TAFA2: variants seen among roughly 807,000 people sequenced by gnomAD.
TAFA2 encodes the protein chemokine-like protein TAFA-2.
Under a neutral mutation model 18.8 loss-of-function variants are expected in TAFA2, and 7 were observed. The observed-to-expected ratio is 0.37, with a 90% CI of 0.21 to 0.70. TAFA2 has a LOEUF of 0.70. Ranked by LOEUF, TAFA2 falls within the 30% of genes least tolerant of loss-of-function variation. The pLI is 0.53. For missense variants in TAFA2, 122 were observed against 158.1 expected (o/e 0.77, Z 1.23); for synonymous variants, 60 against 54.2 (o/e 1.11, Z -0.47).
Position 62,147,890 on chromosome 12 carries a change from A to G in TAFA2, c.-2+43369T>C, listed in dbSNP as rs138018552. On this transcript the variant is annotated intron_variant, in intron 1 of 4. Coordinates refer to ENST00000416284, the MANE Select transcript of TAFA2 (RefSeq NM_178539.5). ...CAAGAAAAAAATAACCGCAATAAGA[A>G]GTTGGCAAAGGACATGAGCAGAAAC... is the stretch of plus-strand genomic sequence containing the variant. 3.4e-3 allele frequency among the ~76,000 whole-genome samples: 514 copies of G among 152,298 alleles called. 1 individual carries two copies. The highest frequency in any genetic ancestry group is 0.012 in the African/African-American group (480 of 41,574).
chr12:61,737,399 C>T (rs186754256), intron 4 of TAFA2, among the ~76,000 whole-genome samples: 4 of 151,736 alleles, frequency 2.6e-5, no homozygotes, highest in Admixed American at 2.6e-4. Context: ...TGGAATGTGT[C>T]CTACACATAC....
intron 2 of TAFA2, among the ~76,000 whole-genome samples, chr12:61,803,954 T>C (rs1455484168): frequency 1.3e-5 from 2 of 152,032 alleles, no homozygotes; most frequent in Non-Finnish European, 2.9e-5. Flanking sequence ...TTACTCATCT[T>C]ACATATGTTA....
intron 1 of TAFA2, among the ~76,000 whole-genome samples, chr12:62,032,871 G>A (rs764181221): frequency 6.6e-6 from 1 of 152,122 alleles, no homozygotes; most frequent in Non-Finnish European, 1.5e-5. Flanking sequence ...AAAGGAAACA[G>A]CATTCTCACC....
rs576042807 is a variant in TAFA2 at position 62,010,953 on chromosome 12, G to A, written c.-1-143527C>T. ...AGGTGGGGAGCGCCTCTGCCCGGCCGCCCTTCGTCTGGGAGGTGGGGGGCG... is the reference window on the plus strand; with the variant it reads ...AGGTGGGGAGCGCCTCTGCCCGGCCACCCTTCGTCTGGGAGGTGGGGGGCG... On this transcript the variant is annotated intron_variant, in intron 1 of 4. Coordinates refer to ENST00000416284, the MANE Select transcript of TAFA2 (RefSeq NM_178539.5). 1.1e-3 allele frequency among the ~76,000 whole-genome samples: 116 copies of A among 109,382 alleles called. 9 individuals are homozygous for A. Among genetic ancestry groups the A allele is most frequent in the African/African-American group, 4.0e-3 (100 of 25,206 alleles). 71.8% of individuals were successfully genotyped at this position (109,382 alleles called of 152,430 possible). A position where few individuals can be genotyped will look rare whatever the true frequency, so the allele number is the denominator to read the frequency against.
intron 2 of TAFA2, among the ~76,000 whole-genome samples, chr12:61,826,485 G>T (rs1488713124): frequency 6.6e-6 from 1 of 151,920 alleles, no homozygotes; most frequent in Non-Finnish European, 1.5e-5. Flanking sequence ...AAAAACTGTT[G>T]AAATAAAAGA....
At chr12:62,014,003 C>T (rs1421198870) in intron 1 of TAFA2, among the ~76,000 whole-genome samples, 2 of 152,278 alleles carry the variant, frequency 1.3e-5, no homozygotes, top group East Asian at 3.9e-4. Flanking sequence ...ATGCTAGATA[C>T]TTCTTAAATA....
chr12:61,992,207 GA>G (rs1217403198), intron 1 of TAFA2, among the ~76,000 whole-genome samples: 1 of 152,082 alleles, frequency 6.6e-6, no homozygotes, highest in Non-Finnish European at 1.5e-5. Flanking sequence ...GTTCCATTTA[GA>G]AGTCCATAAA....
intron 1 of TAFA2, among the ~76,000 whole-genome samples, chr12:61,963,648 A>G (rs1878966089): frequency 6.6e-6 from 1 of 151,652 alleles, no homozygotes; most frequent in Non-Finnish European, 1.5e-5. Flanking sequence ...AGATTGCCAT[A>G]CTGCCCAAAG....
chr12:62,130,229 T>G (rs1159881177), intron 1 of TAFA2, among the ~76,000 whole-genome samples: 2 of 151,958 alleles, frequency 1.3e-5, no homozygotes, highest in South Asian at 4.1e-4. Context: ...ATGTCCCCCT[T>G]AGCATTTTCC....
intron 1 of TAFA2, among the ~76,000 whole-genome samples, chr12:62,208,913 T>A (rs1022385294): frequency 6.6e-6 from 1 of 152,204 alleles, no homozygotes; most frequent in Admixed American, 6.5e-5. Context: ...CAGCTCCAGG[T>A]TATCTCTCTG....
intron 4 of TAFA2, among the ~76,000 whole-genome samples, chr12:61,738,656 C>A (rs1326050641): frequency 6.6e-6 from 1 of 152,020 alleles, no homozygotes; most frequent in Non-Finnish European, 1.5e-5. Flanking sequence ...CCCACCTGAC[C>A]CACCTATGGT....
At position 61,765,330 on chromosome 12, in the gene TAFA2, A is replaced by G. The variant is rs376558107; in HGVS notation, c.107-10306T>C. On this transcript the variant is annotated intron_variant, in intron 2 of 4. Coordinates refer to ENST00000416284, the MANE Select transcript of TAFA2 (RefSeq NM_178539.5). ...CTATGTAGAGGAGAGACCCACCCCTACTACCAGCTGGATTTCACATAAGCA... is the reference window on the plus strand; with the variant it reads ...CTATGTAGAGGAGAGACCCACCCCTGCTACCAGCTGGATTTCACATAAGCA... Among the ~76,000 whole-genome samples, 5 of 152,044 alleles carry G rather than the reference A, an allele frequency of 3.3e-5. No homozygotes were observed. In the East Asian group the frequency reaches 9.7e-4, roughly 29 times the overall value.
At chr12:62,067,413 C>CTTTTTATGTTTT (rs1882518668) in intron 1 of TAFA2, among the ~76,000 whole-genome samples, 2 of 151,854 alleles carry the variant, frequency 1.3e-5, no homozygotes, top group Non-Finnish European at 2.9e-5. Context: ...GGAGAGTTTC[C>CTTTTTATGTTTT]CCTATGTTTT....
chr12:62,003,135 C>T (rs1192597878), intron 1 of TAFA2, among the ~76,000 whole-genome samples: 1 of 152,172 alleles, frequency 6.6e-6, no homozygotes, highest in African/African-American at 2.4e-5. Flanking sequence ...GGTTCCCCAG[C>T]TTCTATCTTT....
Position 61,737,041 on chromosome 12 carries a change from AT to A in TAFA2, c.384+16580del, listed in dbSNP as rs1416498195. Reference sequence around the variant, plus strand: ...ACTGACTATAATATTGTCAGTTAGTATTGTAGTCCAGGGTCCTGAACTCTGA... The same window carrying A: ...ACTGACTATAATATTGTCAGTTAGTATGTAGTCCAGGGTCCTGAACTCTGA... On this transcript the variant is annotated intron_variant, in intron 4 of 4. Coordinates refer to ENST00000416284, the MANE Select transcript of TAFA2 (RefSeq NM_178539.5). 1.4e-4 allele frequency among the ~76,000 whole-genome samples: 22 copies of A among 152,040 alleles called. 1 individual carries two copies. Among genetic ancestry groups the A allele is most frequent in the African/African-American group, 5.1e-4 (21 of 41,512 alleles).
chr12:62,066,428 TCACTTCCCC>T (rs1431451731), intron 1 of TAFA2, among the ~76,000 whole-genome samples: 4 of 151,782 alleles, frequency 2.6e-5, no homozygotes, highest in Admixed American at 2.0e-4. Context: ...TTAACCATCC[TCACTTCCCC>T]CACTTCCCCC....
chr12:61,855,675 C>T (rs1037223149), intron 2 of TAFA2, among the ~76,000 whole-genome samples: 2 of 151,766 alleles, frequency 1.3e-5, no homozygotes, highest in Admixed American at 6.6e-5. Context: ...ATTTCTGTAT[C>T]GTGCACTCTA....
intron 2 of TAFA2, among the ~76,000 whole-genome samples, chr12:61,844,233 T>C (rs1361284461): frequency 1.3e-5 from 2 of 152,102 alleles, no homozygotes; most frequent in Non-Finnish European, 2.9e-5. Context: ...CTTAAGACTT[T>C]GACATTAAGT....
intron 1 of TAFA2, among the ~76,000 whole-genome samples, chr12:61,943,944 C>A (rs1172939954): frequency 6.9e-6 from 1 of 144,514 alleles, no homozygotes; most frequent in Non-Finnish European, 1.5e-5. Flanking sequence ...CAGCTCTGCA[C>A]CAAGCGGACC....
Sources: gnomAD v4.1 joint callset for allele counts (sites outside exome capture counted in the v4.1 genomes callset) on GRCh38, gnomAD v4.1.1 for gene constraint, MANE v1.5 for transcripts, NCBI Gene and HGNC (gene_info 2026-07-23, HGNC 2026-07-21) for gene names.